The following PLD3 variants were observed in gnomAD, a reference collection of about 807,000 sequenced individuals.
PLD3 encodes phospholipase D family member 3.
PLD3 carries 31 observed loss-of-function variants against 58.4 expected under a neutral mutation model. The ratio of observed to expected loss-of-function variants is 0.53; its 90% CI spans 0.40 to 0.72. The LOEUF (loss-of-function observed/expected upper bound fraction) is 0.72. PLD3 is among the 30% of genes least tolerant of loss of function. The probability of loss-of-function intolerance (pLI) is 0.00; values close to 1 mark genes in which losing one functional copy is unlikely to be tolerated. For missense variants in PLD3, 595 were observed against 659.8 expected (o/e 0.90, Z 1.08); for synonymous variants, 264 against 273.4 (o/e 0.97, Z 0.34).
Position 40,374,494 on chromosome 19 carries a change from C to T in PLD3, c.893C>T (p.Pro298Leu), listed in dbSNP as rs1181195854. 1.2e-6 allele frequency: 2 copies of T among 1,614,086 alleles called. No individual in the cohort carries two copies. The highest frequency in any genetic ancestry group is 1.7e-5 in the Admixed American group (1 of 60,008). The change falls in exon 10 of 13, where the codon CCC becomes CTC. Residue 298 changes from proline (P) to leucine (L), a missense_variant. Coordinates refer to ENST00000409735, the MANE Select transcript of PLD3 (RefSeq NM_012268.4). ...CCTCGCCCTCAGAGTGCGCCCCCAC[C>T]CCTGTGTCCAAGTGGCCGCACTCCA... ...ALAYLASAPP[P>L]LCPSGRTPDL...
At position 40,370,263 on chromosome 19, in the gene PLD3, C is replaced by T. The variant is rs745411222; in HGVS notation, c.678+26C>T. ...GTCTGTCTGCACCCTGTCTACCTTC[C>T]TTCCAGGCCACTCCCTGCCCCACAG... On this transcript the variant is annotated intron_variant, in intron 8 of 12. Transcript: ENST00000409735. 4 of 1,600,166 alleles carry T rather than the reference C, an allele frequency of 2.5e-6. No homozygotes were observed. The South Asian group carries it at 4.5e-5, about 18-fold the overall frequency.
At chr19:40,374,776 G>A in intron 10 of PLD3, 156 bp downstream of exon 10, 1 of 719,286 alleles carries the variant, frequency 1.4e-6, no homozygotes, top group Non-Finnish European at 2.3e-6. Context: ...ACCGGAAGAA[G>A]GTATCTAGGC....
intron 1 of PLD3, among the ~76,000 whole-genome samples, chr19:40,349,835 A>G (rs1394817013): frequency 2.7e-5 from 4 of 149,078 alleles, no homozygotes; most frequent in Non-Finnish European, 6.0e-5. Context: ...GTGCATGCCT[A>G]TAATCCCAGC....
chr19:40,378,235 CA>C lies in PLD3; in HGVS notation c.*63del. 9 of 1,500,346 alleles carry C rather than the reference CA, an allele frequency of 6.0e-6. No homozygotes were observed. The highest frequency in any genetic ancestry group is 8.3e-6 in the Non-Finnish European group (9 of 1,089,946). The allele number at this position is 1,500,346 out of a possible 1,614,324, so 92.9% of individuals were successfully genotyped here. Reference sequence around the variant, plus strand: ...CCCCGCGGACCCAGGTGCTCTGGGTCACGGTCCCTGTCCCCGCGCCCCCGCT... The same window carrying C: ...CCCCGCGGACCCAGGTGCTCTGGGTCCGGTCCCTGTCCCCGCGCCCCCGCT... On this transcript the variant is annotated 3_prime_UTR_variant, in exon 13 of 13. Transcript: ENST00000409735.
rs772203235 is a variant in PLD3, at chr19:40,374,495, C to G, written c.894C>G (p.Pro298=). Residue 298 remains proline (P), a synonymous_variant, in exon 10 of 13, where the codon CCC becomes CCG. Coordinates refer to ENST00000409735, the MANE Select transcript of PLD3 (RefSeq NM_012268.4). ...ALAYLASAPP[P]LCPSGRTPDL... ...CTCGCCCTCAGAGTGCGCCCCCACC[C>G]CTGTGTCCAAGTGGCCGCACTCCAG... 1 of 1,614,098 alleles carries G rather than the reference C, an allele frequency of 6.2e-7. No homozygotes were observed. Among genetic ancestry groups the G allele is most frequent in the African/African-American group, 1.3e-5 (1 of 75,022 alleles).
intron 1 of PLD3, among the ~76,000 whole-genome samples, chr19:40,363,679 C>G (rs951238717): frequency 2.0e-5 from 3 of 152,182 alleles, no homozygotes; most frequent in African/African-American, 7.2e-5. Flanking sequence ...GATCCACCCA[C>G]CTCGGCCTCC....
At chr19:40,374,427 G>A (rs969842559) in intron 9 of PLD3, 54 bp from the exon 10 acceptor site, 20 of 1,600,562 alleles carry the variant, frequency 1.2e-5, no homozygotes, top group Admixed American at 5.0e-5. Context: ...TGTGGGGTCC[G>A]TTGTGACGAT....
chr19:40,371,379 G>T, intron 8 of PLD3: 1 of 367,510 alleles, frequency 2.7e-6, no homozygotes, highest in Non-Finnish European at 5.0e-6. Context: ...GGTAGTCATG[G>T]GAGGCTTCCT....
intron 10 of PLD3, among the ~76,000 whole-genome samples, chr19:40,375,629 G>A (rs1354999380): frequency 2.1e-5 from 3 of 143,460 alleles, no homozygotes; most frequent in East Asian, 2.0e-4. Flanking sequence ...CAGCCTGGGC[G>A]ACGGAGCGAG....
At chr19:40,361,781 C>T (rs2078790989) in intron 1 of PLD3, among the ~76,000 whole-genome samples, 1 of 151,976 alleles carries the variant, frequency 6.6e-6, no homozygotes, top group Non-Finnish European at 1.5e-5. Flanking sequence ...TTCCCTGATC[C>T]TCTATGGCAC....
At chr19:40,367,070 CCA>C in intron 5 of PLD3, 155 bp downstream of exon 5, 1 of 717,450 alleles carries the variant, frequency 1.4e-6, no homozygotes, top group East Asian at 2.8e-5. Flanking sequence ...CCCTCCTCCT[CCA>C]CACACATAGT....
At chr19:40,373,601 G>C (rs919253614) in intron 9 of PLD3, among the ~76,000 whole-genome samples, 2 of 150,850 alleles carry the variant, frequency 1.3e-5, no homozygotes, top group African/African-American at 2.4e-5. Context: ...GGGGGGAAGC[G>C]GGGGAGCGGG....
chr19:40,366,887 C>G lies in PLD3; in HGVS notation c.217C>G (p.Arg73Gly), dbSNP rs746530607. ...GDLHLFGPNQ[R>G]PAPCYDPCEA... is the part of the protein sequence containing the mutation. ...CTTGCATCTCTTTGGGCCCAACCAG[C>G]GCCCAGCCCCCTGCTATGACCCTTG... is the stretch of plus-strand genomic sequence containing the variant. The change falls in exon 5 of 13, where the codon CGC (arginine) becomes GGC (glycine). Residue 73 changes from arginine to glycine, a missense_variant. Physicochemically the swap from Arg to Gly is moderately radical, Grantham distance 125. Coordinates refer to ENST00000409735, the MANE Select transcript of PLD3 (RefSeq NM_012268.4). The G allele has an allele frequency of 2.5e-6, 4 of 1,611,868 alleles. No individual in the cohort carries two copies. In the East Asian group the frequency reaches 8.9e-5, roughly 36 times the overall value.
chr19:40,361,874 C>T (rs904876404), intron 1 of PLD3, among the ~76,000 whole-genome samples: 7 of 149,478 alleles, frequency 4.7e-5, no homozygotes, highest in Non-Finnish European at 1.0e-4. Context: ...ACGGAGTTTC[C>T]TTTGTCGCCC....
At position 40,377,837 on chromosome 19, in the gene PLD3, C is replaced by G. The variant is rs750725412; in HGVS notation, c.1237C>G (p.Arg413Gly). ...GGCCCAGGCTCGAATCCCATATGCCCGTGTCAACCACAACAAGTACATGGT... is the reference window on the plus strand; with the variant it reads ...GGCCCAGGCTCGAATCCCATATGCCGGTGTCAACCACAACAAGTACATGGT... ...DEAQARIPYA[R>G]VNHNKYMVTE... Residue 413 changes from arginine to glycine, a missense_variant, in exon 12 of 13, where the codon CGT becomes GGT. Coordinates refer to ENST00000409735, the MANE Select transcript of PLD3 (RefSeq NM_012268.4). 5 of 1,613,988 alleles carry G rather than the reference C, an allele frequency of 3.1e-6. No individual in the cohort carries two copies. The Admixed American group carries it at 5.0e-5, about 16-fold the overall frequency.
chr19:40,354,768 C>G (rs1402348574), intron 1 of PLD3, among the ~76,000 whole-genome samples: 1 of 150,000 alleles, frequency 6.7e-6, no homozygotes, highest in African/African-American at 2.5e-5. Context: ...TCAAGTGATC[C>G]ACCTGCCTCA....
intron 9 of PLD3, among the ~76,000 whole-genome samples, 166 bp downstream of exon 9, chr19:40,372,039 T>C (rs2079079511): frequency 6.6e-6 from 1 of 152,132 alleles, no homozygotes; most frequent in Non-Finnish European, 1.5e-5. Flanking sequence ...CCAACATCCC[T>C]CGGCCTCTAT....
At chr19:40,371,647 C>T in intron 8 of PLD3, 26 bp from the exon 9 acceptor site, 1 of 1,567,524 alleles carries the variant, frequency 6.4e-7, no homozygotes, top group Non-Finnish European at 8.8e-7. Flanking sequence ...GCCGCTATCG[C>T]TGAGCTCAGC....
intron 1 of PLD3, among the ~76,000 whole-genome samples, chr19:40,354,556 T>C (rs947179323): frequency 6.7e-4 from 101 of 151,492 alleles, no homozygotes; most frequent in African/African-American, 2.3e-3. Context: ...TGAGACACTG[T>C]CTTGTGTCAC....
Sources: allele counts gnomAD v4.1 joint callset (sites outside exome capture counted in the v4.1 genomes callset), GRCh38; gene constraint gnomAD v4.1.1; transcripts MANE v1.5; gene names NCBI Gene and HGNC (gene_info 2026-07-23, HGNC 2026-07-21).